KDM4C: variants seen among roughly 807,000 people sequenced by gnomAD.
KDM4C encodes lysine demethylase 4C, also known as lysine-specific demethylase 4C.
In KDM4C, 81 loss-of-function variants were observed where a neutral mutation model predicts 129.3. That is an observed-to-expected ratio of 0.63 (90% CI 0.52 to 0.75). The LOEUF (loss-of-function observed/expected upper bound fraction) is 0.75. KDM4C is among the 30% of genes least tolerant of loss of function. KDM4C has a pLI of 0.00. For missense variants in KDM4C, 1,457 were observed against 1,304.0 expected, an observed-to-expected ratio of 1.12 and a Z score of -1.81; for synonymous variants, 573 against 456.1, an observed-to-expected ratio of 1.26 and a Z score of -3.26.
chr9:6,986,450 C>T lies in KDM4C; in HGVS notation c.1461C>T (p.Ser487=). The T allele has an allele frequency of 6.2e-7, 1 of 1,614,074 alleles. No individual in the cohort carries two copies. Reference sequence around the variant, plus strand: ...CTATATCCAGTGAGGCTGATGATTCCATTCCATTGTCTAGTGGCTATGAGA... The same window carrying T: ...CTATATCCAGTGAGGCTGATGATTCTATTCCATTGTCTAGTGGCTATGAGA... ...VPSISSEADD[S]IPLSSGYEKP... The change falls in exon 11 of 22, where the codon TCC becomes TCT. Residue 487 remains serine, a synonymous_variant. Transcript: ENST00000381309.
chr9:6,909,416 C>A (rs867867508), intron 8 of KDM4C, among the ~76,000 whole-genome samples: 1 of 152,246 alleles, frequency 6.6e-6, no homozygotes, highest in Middle Eastern at 3.4e-3. Context: ...GTGTGATGAC[C>A]ATCTGATCTA....
intron 5 of KDM4C, among the ~76,000 whole-genome samples, chr9:6,856,198 G>A (rs907834862): frequency 2.0e-5 from 3 of 152,080 alleles, no homozygotes; most frequent in Non-Finnish European, 4.4e-5. Context: ...AAGAACATTA[G>A]GGATTAGGCA....
intron 5 of KDM4C, among the ~76,000 whole-genome samples, 166 bp downstream of exon 5, chr9:6,849,866 G>T (rs1380647364): frequency 1.3e-5 from 2 of 152,172 alleles, no homozygotes; most frequent in African/African-American, 4.8e-5. Context: ...GTCTGGGATT[G>T]TGCTTGGAAA....
chr9:6,987,919 G>A, intron 11 of KDM4C, among the ~76,000 whole-genome samples: 1 of 151,800 alleles, frequency 6.6e-6, no homozygotes, highest in Non-Finnish European at 1.5e-5. Flanking sequence ...CACTTTGAGA[G>A]ACTGTGGTGG....
chr9:6,753,542 G>A (rs1301854657), upstream of KDM4C, among the ~76,000 whole-genome samples: 2 of 152,136 alleles, frequency 1.3e-5, no homozygotes, highest in Admixed American at 6.6e-5. Flanking sequence ...CCAGAGTGCT[G>A]GGATTACAGG....
intron 3 of KDM4C, 112 bp downstream of exon 3, chr9:6,805,886 A>G (rs376261072): frequency 1.0e-4 from 95 of 919,978 alleles, no homozygotes; most frequent in African/African-American, 4.4e-4. Context: ...CTCCCATGCA[A>G]TTTTTCACCC....
intron 15 of KDM4C, among the ~76,000 whole-genome samples, chr9:7,022,391 G>A (rs929720893): frequency 2.0e-5 from 3 of 151,824 alleles, no homozygotes; most frequent in Non-Finnish European, 4.4e-5. Flanking sequence ...TTAAATCCTA[G>A]GTATTTACTT....
rs546572914 is a variant in KDM4C at position 6,818,723 on chromosome 9, T to C, written c.435+3978T>C. Among the ~76,000 whole-genome samples the C allele has an allele frequency of 2.8e-4, 43 of 152,322 alleles. 1 individual carries two copies. The South Asian group carries it at 8.9e-3, about 32-fold the overall frequency. ...ATGGGTGAGGCAGCTTAAGTACTGT[T>C]GGCCTTTTACACTTAACAAAACATG... On this transcript the variant is annotated intron_variant, in intron 4 of 21. Transcript: ENST00000381309.
intron 19 of KDM4C, among the ~76,000 whole-genome samples, chr9:7,146,730 T>C (rs76929449): frequency 0.021 from 3,135 of 152,340 alleles, 119 homozygotes; most frequent in African/African-American, 0.069. Flanking sequence ...CATCTACTTA[T>C]TAGCCCTGTG....
chr9:6,843,218 T>A (rs904988777), intron 4 of KDM4C, among the ~76,000 whole-genome samples: 1 of 152,212 alleles, frequency 6.6e-6, no homozygotes, highest in African/African-American at 2.4e-5. Flanking sequence ...CATGAGCCAC[T>A]GTGCCCGGCC....
At chr9:7,101,603 G>C (rs1010675243) in intron 17 of KDM4C, among the ~76,000 whole-genome samples, 2 of 152,158 alleles carry the variant, frequency 1.3e-5, no homozygotes, top group African/African-American at 4.8e-5. Context: ...GGTCCTCCTG[G>C]AATAGGGCAA....
intron 2 of KDM4C, among the ~76,000 whole-genome samples, chr9:6,803,109 A>T (rs1250123615): frequency 2.0e-5 from 3 of 152,218 alleles, no homozygotes; most frequent in African/African-American, 7.2e-5. Flanking sequence ...AATAGGGAAG[A>T]TGAGGCTGGA....
intron 1 of KDM4C, among the ~76,000 whole-genome samples, chr9:6,769,443 C>A (rs759172824): frequency 6.6e-6 from 1 of 152,040 alleles, no homozygotes; most frequent in Non-Finnish European, 1.5e-5. Flanking sequence ...GGAGTCAGTT[C>A]ATTGCACCTA....
intron 17 of KDM4C, among the ~76,000 whole-genome samples, chr9:7,059,817 AT>A (rs1335351662): frequency 1.3e-5 from 2 of 152,234 alleles, no homozygotes; most frequent in Admixed American, 6.5e-5. Context: ...GGTTATTTTC[AT>A]AAAAATATTT....
intron 15 of KDM4C, among the ~76,000 whole-genome samples, chr9:7,041,829 A>G (rs1828655428): frequency 6.6e-6 from 1 of 151,998 alleles, no homozygotes; most frequent in Admixed American, 6.6e-5. Context: ...GATTCTGAAG[A>G]TCTGCCTGCC....
At chr9:6,888,116 T>C in intron 7 of KDM4C, 53 bp downstream of exon 7, 2 of 949,130 alleles carry the variant, frequency 2.1e-6, no homozygotes, top group Non-Finnish European at 3.1e-6. Context: ...AGGATTTGTA[T>C]TTAAGAAGTA....
chr9:6,868,359 A>G (rs572245613), intron 5 of KDM4C, among the ~76,000 whole-genome samples: 3 of 152,266 alleles, frequency 2.0e-5, no homozygotes, highest in African/African-American at 7.2e-5. Flanking sequence ...CATAGCATTC[A>G]TCCCAGGAAA....
chr9:6,935,182 T>A (rs1252603263), intron 8 of KDM4C, among the ~76,000 whole-genome samples: 1 of 152,172 alleles, frequency 6.6e-6, no homozygotes, highest in East Asian at 1.9e-4. Flanking sequence ...ATATAAAAGA[T>A]AATATCTCAA....
intron 3 of KDM4C, among the ~76,000 whole-genome samples, chr9:6,809,881 C>G (rs1033689662): frequency 6.6e-6 from 1 of 152,070 alleles, no homozygotes; most frequent in Non-Finnish European, 1.5e-5. Context: ...CCTGTAGTCT[C>G]AGGTACTCAG....
Sources: gnomAD v4.1 joint callset for allele counts (sites outside exome capture counted in the v4.1 genomes callset) on GRCh38, gnomAD v4.1.1 for gene constraint, MANE v1.5 for transcripts, NCBI Gene and HGNC (gene_info 2026-07-23, HGNC 2026-07-21) for gene names.